The following ABCC5 variants were observed in gnomAD, a reference collection of about 807,000 sequenced individuals.
ABCC5 encodes the protein ATP binding cassette subfamily C member 5, also known as ATP-binding cassette sub-family C member 5.
Under a neutral mutation model 160.9 loss-of-function variants are expected in ABCC5, and 61 were observed. The observed-to-expected ratio is 0.38, with a 90% confidence interval of 0.31 to 0.47. The LOEUF is 0.47. Ranked by LOEUF, ABCC5 falls within the 20% of genes least tolerant of loss-of-function variation. The pLI is 0.99. For missense variants in ABCC5, 1,308 were observed against 1,813.3 expected, an observed-to-expected ratio of 0.72 and a Z score of 5.06; for synonymous variants, 666 against 700.6, an observed-to-expected ratio of 0.95 and a Z score of 0.78.
chr3:183,955,035 A>C (rs1297902210), intron 17 of ABCC5, among the ~76,000 whole-genome samples: 1 of 151,824 alleles, frequency 6.6e-6, no homozygotes, highest in African/African-American at 2.4e-5. Flanking sequence ...GTGGTGGGGG[A>C]GTGGTGGGGG....
At position 183,957,375 on chromosome 3, in the gene ABCC5, T is replaced by C. The variant is rs1338015966; in HGVS notation, c.2482+2358A>G. ...TCGGTTACATGCGGGTCCGTGTGTATATCACATCGGTTACATGCTTATCCG... is the reference window on the plus strand; with the variant it reads ...TCGGTTACATGCGGGTCCGTGTGTACATCACATCGGTTACATGCTTATCCG... On this transcript the variant is annotated intron_variant, in intron 17 of 29. Transcript: ENST00000334444. 8.2e-4 allele frequency among the ~76,000 whole-genome samples: 84 copies of C among 101,866 alleles called. 2 individuals carry two copies. Among genetic ancestry groups the C allele is most frequent in the East Asian group, 2.2e-3 (5 of 2,260 alleles). 66.8% of individuals were successfully genotyped at this position (101,866 alleles called of 152,430 possible).
chr3:183,980,722 T>TTG (rs1718648400), intron 8 of ABCC5, among the ~76,000 whole-genome samples: 1 of 151,890 alleles, frequency 6.6e-6, no homozygotes, highest in African/African-American at 2.4e-5. Context: ...TTGTTTTTTT[T>TTG]TTTTTTTTTT....
intron 2 of ABCC5, among the ~76,000 whole-genome samples, chr3:184,007,845 AC>A (rs1459651324): frequency 1.3e-5 from 2 of 152,132 alleles, no homozygotes; most frequent in African/African-American, 4.8e-5. Context: ...AAAACAAAAA[AC>A]AAAAAAACCC....
At chr3:183,932,143 T>A (rs914877084) in intron 26 of ABCC5, among the ~76,000 whole-genome samples, 8 of 152,234 alleles carry the variant, frequency 5.3e-5, no homozygotes, top group African/African-American at 1.7e-4. Context: ...TGCCCTGTCA[T>A]CTGTGCTGGG....
At chr3:183,933,786 G>A (rs1335014981) in intron 26 of ABCC5, among the ~76,000 whole-genome samples, 1 of 152,146 alleles carries the variant, frequency 6.6e-6, no homozygotes, top group Non-Finnish European at 1.5e-5. Context: ...TCTGAGTTTT[G>A]TTGGTTTGAT....
At position 184,014,277 on chromosome 3, in the gene ABCC5, C is replaced by G; in HGVS notation, c.116G>C (p.Arg39Thr). The G allele has an allele frequency of 6.2e-7, 1 of 1,613,872 alleles. No homozygotes were observed. The highest frequency in any genetic ancestry group is 8.5e-7 in the Non-Finnish European group (1 of 1,179,894). Residue 39 changes from arginine (R) to threonine (T), a missense_variant, in exon 2 of 30, where the codon AGG (arginine) becomes ACG (threonine). Transcript: ENST00000334444. ...AAGGAAACTGACCGGTCGAGTTCTC[C>G]TGAACTTGGAATCTTCACGGTCTCT... ...THRDREDSKF[R>T]RTRPLECQDA...
At chr3:183,985,191 T>A in intron 5 of ABCC5, 1 of 1,058,870 alleles carries the variant, frequency 9.4e-7, no homozygotes, top group Admixed American at 2.3e-5. Flanking sequence ...ATTTAGTTTT[T>A]AAAAAGTTAC....
intron 14 of ABCC5, among the ~76,000 whole-genome samples, 171 bp downstream of exon 14, chr3:183,965,014 T>C (rs1040338277): frequency 6.6e-6 from 1 of 152,204 alleles, no homozygotes; most frequent in Non-Finnish European, 1.5e-5. Flanking sequence ...AAACAAGCAG[T>C]GTTAACATCC....
chr3:183,938,433 GA>G (rs2108776264), intron 25 of ABCC5, among the ~76,000 whole-genome samples: 1 of 152,242 alleles, frequency 6.6e-6, no homozygotes, highest in Non-Finnish European at 1.5e-5. Flanking sequence ...CAAGTAGCTG[GA>G]ACTACAGGCA....
intron 16 of ABCC5, among the ~76,000 whole-genome samples, chr3:183,960,944 C>G (rs1716672350): frequency 6.6e-6 from 1 of 152,000 alleles, no homozygotes; most frequent in Non-Finnish European, 1.5e-5. Flanking sequence ...TGCCACCACA[C>G]CTGGCTAATT....
intron 2 of ABCC5, among the ~76,000 whole-genome samples, chr3:184,002,120 G>T (rs568913706): frequency 6.6e-6 from 1 of 152,114 alleles, no homozygotes; most frequent in East Asian, 1.9e-4. Context: ...AGATTCTGCC[G>T]GGTGGGGTGG....
At chr3:183,956,456 G>A (rs867060914) in intron 17 of ABCC5, among the ~76,000 whole-genome samples, 13 of 146,006 alleles carry the variant, frequency 8.9e-5, no homozygotes, top group African/African-American at 1.4e-4. Context: ...AAATCACATC[G>A]GTTACATGCG....
At position 184,017,359 on chromosome 3, in the gene ABCC5, T is replaced by A. The variant is rs1248282727; in HGVS notation, c.-56+471A>T. 1.3e-5 allele frequency: 2 copies of A among 152,184 alleles called. No homozygotes were observed. The highest frequency in any genetic ancestry group is 3.9e-4 in the East Asian group (2 of 5,176). The allele number at this position is 152,184 out of a possible 1,614,324, so 9.4% of individuals were successfully genotyped here. A position where few individuals can be genotyped will look rare whatever the true frequency, so the allele number is the denominator to read the frequency against. On this transcript the variant is annotated intron_variant, in intron 1 of 29. Transcript: ENST00000334444. The surrounding 1 kb of genome is among the most constrained non-coding windows in gnomAD (Gnocchi z 4.5). ...CGAAGGGGATGACTTACTTCGAAGG[T>A]CGCTGGCGGCTCCGCTGCGGGTTGA...
rs531861416 is a variant in ABCC5, at chr3:183,966,096, T to C, written c.1834-595A>G. ...CAATGGTTTGATATGAATTGACTTA[T>C]CCATTTTACCCCCTTCCATGATTTC... On this transcript the variant is annotated intron_variant, in intron 12 of 29. Transcript: ENST00000334444. Among the ~76,000 whole-genome samples, 18 of 152,350 alleles carry C rather than the reference T, an allele frequency of 1.2e-4. No homozygotes were observed. In the South Asian group the frequency reaches 3.5e-3, roughly 30 times the overall value.
chr3:184,014,959 G>A (rs1722071171), intron 1 of ABCC5, among the ~76,000 whole-genome samples: 1 of 152,110 alleles, frequency 6.6e-6, no homozygotes, highest in South Asian at 2.1e-4. Context: ...GTTAGCTGGT[G>A]TTATTTTAAA....
Position 183,925,644 on chromosome 3 carries a change from C to A in ABCC5, c.4123G>T (p.Ala1375Ser), listed in dbSNP as rs1231589517. ...DLLIQETIRE[A>S]FADCTMLTIA... ...GTCAGCATGGTACAGTCTGCAAATG[C>A]TTCTCGGATGGTCTCTTGAATCAAT... The change falls in exon 29 of 30, where the codon GCA becomes TCA. Residue 1375 changes from alanine (A) to serine (S), a missense_variant. By Grantham distance (99) the Ala-to-Ser change is moderately conservative. Around this residue, in one of 3 missense-constraint regions of ABCC5, gnomAD observed 163 missense variants for 269.7 expected, o/e 0.60. Coordinates refer to ENST00000334444, the MANE Select transcript of ABCC5 (RefSeq NM_005688.4). The A allele has an allele frequency of 1.2e-6, 2 of 1,614,038 alleles. No individual in the cohort carries two copies. Among genetic ancestry groups the A allele is most frequent in the Non-Finnish European group, 1.7e-6 (2 of 1,180,048 alleles).
In ABCC5 at chr3:183,951,920, G is replaced by A. The variant is rs766735638; in HGVS notation, c.2751C>T (p.Ile917=). The change falls in exon 19 of 30, where the codon ATC becomes ATT. Residue 917 remains isoleucine (I), a synonymous_variant. Coordinates refer to ENST00000334444, the MANE Select transcript of ABCC5 (RefSeq NM_005688.4). The surrounding 1 kb of genome is among the most constrained non-coding windows in gnomAD (Gnocchi z 4.7). ...GCATGACTGCCATGGAGAGGGCGTA[G>A]ATGCTGGCATAGTACTGCATATGAG... ...DNPHMQYYAS[I]YALSMAVMLI... 1 of 1,614,114 alleles carries A rather than the reference G, an allele frequency of 6.2e-7. No homozygotes were observed. The highest frequency in any genetic ancestry group is 1.1e-5 in the South Asian group (1 of 91,084).
At chr3:183,930,208 C>T (rs1713041633) in intron 26 of ABCC5, among the ~76,000 whole-genome samples, 1 of 152,242 alleles carries the variant, frequency 6.6e-6, no homozygotes, top group Non-Finnish European at 1.5e-5. Flanking sequence ...TAATTACAGG[C>T]ATGCAAATAC....
At chr3:183,940,449 G>T (rs1714196122) in intron 25 of ABCC5, among the ~76,000 whole-genome samples, 1 of 116,026 alleles carries the variant, frequency 8.6e-6, no homozygotes, top group Non-Finnish European at 1.7e-5. Flanking sequence ...AACAGACTGA[G>T]ACTCTGTCTC....
Sources: gnomAD v4.1 joint callset for allele counts (sites outside exome capture counted in the v4.1 genomes callset) on GRCh38, gnomAD v4.1.1 for gene constraint, gnomAD v4.1.1 regional missense constraint, Gnocchi (gnomAD v3.1) non-coding constraint, MANE v1.5 for transcripts, NCBI Gene and HGNC (gene_info 2026-07-23, HGNC 2026-07-21) for gene names.